Variants in GMDS observed in about 807,000 individuals in gnomAD.
GMDS encodes the protein GDP-mannose 4,6-dehydratase.
GMDS carries 20 observed loss-of-function variants against 49.9 expected under a neutral mutation model. The observed-to-expected ratio is 0.40, with a 90% CI of 0.28 to 0.58. GMDS has a LOEUF of 0.58. Among genes scored for constraint, GMDS ranks in the 20% least tolerant of loss-of-function variants. GMDS has a pLI of 0.42. For missense variants in GMDS, 362 were observed against 481.4 expected (o/e 0.75, Z 2.32); for synonymous variants, 177 against 178.6 (o/e 0.99, Z 0.07).
At chr6:2,056,931 T>C (rs191068922) in intron 4 of GMDS, among the ~76,000 whole-genome samples, 2 of 152,350 alleles carry the variant, frequency 1.3e-5, no homozygotes, top group East Asian at 3.9e-4. Context: ...GTATTACTGG[T>C]ATATTTGAGA....
At chr6:1,955,054 T>G (rs1366476984) in intron 6 of GMDS, among the ~76,000 whole-genome samples, 1 of 151,942 alleles carries the variant, frequency 6.6e-6, no homozygotes, top group Non-Finnish European at 1.5e-5. Context: ...ATTCTCAAAA[T>G]GCGACACAGA....
At chr6:2,040,948 G>A (rs79083663) in intron 4 of GMDS, among the ~76,000 whole-genome samples, 134 of 152,286 alleles carry the variant, frequency 8.8e-4, no homozygotes, top group Middle Eastern at 3.4e-3. Flanking sequence ...GAAGACTGCC[G>A]TGTAACTTAA....
intron 9 of GMDS, among the ~76,000 whole-genome samples, chr6:1,707,452 C>A (rs1242035157): frequency 6.6e-6 from 1 of 152,200 alleles, no homozygotes; most frequent in East Asian, 1.9e-4. Flanking sequence ...TCATAGGACA[C>A]TCTCTCAAAG....
At position 1,652,164 on chromosome 6, in the gene GMDS, G is replaced by C. The variant is rs187391181; in HGVS notation, c.988-27624C>G. Among the ~76,000 whole-genome samples the C allele has an allele frequency of 1.4e-4, 21 of 150,194 alleles. 1 individual carries two copies. In the East Asian group the frequency reaches 4.2e-3, roughly 30 times the overall value. ...AGGCGGGTGGATCATCTGAGGTCAA[G>C]AGTTCGAGACCAGCCTGGCCAACAT... On this transcript the variant is annotated intron_variant, in intron 9 of 10. Transcript: ENST00000380815.
intron 6 of GMDS, among the ~76,000 whole-genome samples, chr6:1,953,721 C>T (rs1285797782): frequency 6.6e-6 from 1 of 152,108 alleles, no homozygotes; most frequent in Non-Finnish European, 1.5e-5. Context: ...AGGCTTGCTT[C>T]CCATGTTCCA....
intron 9 of GMDS, among the ~76,000 whole-genome samples, chr6:1,680,596 A>T (rs1205970835): frequency 2.0e-5 from 3 of 152,158 alleles, no homozygotes; most frequent in Non-Finnish European, 2.9e-5. Context: ...CCCGGCCAGG[A>T]CACGCAAGGT....
At chr6:1,825,875 G>A (rs187557716) in intron 7 of GMDS, among the ~76,000 whole-genome samples, 2 of 152,156 alleles carry the variant, frequency 1.3e-5, no homozygotes, top group Admixed American at 1.3e-4. Flanking sequence ...AATTAGCCAG[G>A]CGTGGTGGCA....
intron 1 of GMDS, among the ~76,000 whole-genome samples, chr6:2,160,046 T>C (rs185774891): frequency 6.5e-4 from 99 of 152,276 alleles, no homozygotes; most frequent in Middle Eastern, 3.4e-3. Flanking sequence ...AAAAAATCAT[T>C]CAATCTTTTA....
At chr6:2,029,054 C>T (rs1207767752) in intron 4 of GMDS, among the ~76,000 whole-genome samples, 1 of 150,054 alleles carries the variant, frequency 6.7e-6, no homozygotes, top group Non-Finnish European at 1.5e-5. Context: ...TTTACCATAC[C>T]TTTTTTAAAA....
intron 9 of GMDS, among the ~76,000 whole-genome samples, chr6:1,714,825 G>T (rs1039936982): frequency 2.0e-5 from 3 of 152,246 alleles, no homozygotes; most frequent in Non-Finnish European, 4.4e-5. Context: ...GATACTATGA[G>T]ATTTTCCCAC....
intron 7 of GMDS, among the ~76,000 whole-genome samples, chr6:1,925,743 G>C (rs887520126): frequency 6.6e-6 from 1 of 152,042 alleles, no homozygotes; most frequent in Admixed American, 6.6e-5. Flanking sequence ...GGGAGGAGAA[G>C]GGCAGGTCCC....
intron 4 of GMDS, among the ~76,000 whole-genome samples, chr6:2,090,812 T>A (rs1037023866): frequency 3.9e-5 from 6 of 152,156 alleles, no homozygotes; most frequent in African/African-American, 2.4e-5. Flanking sequence ...AAGTTTCGAG[T>A]CTCATCACTT....
At chr6:1,903,238 T>C (rs1287143066) in intron 7 of GMDS, among the ~76,000 whole-genome samples, 1 of 152,216 alleles carries the variant, frequency 6.6e-6, no homozygotes, top group East Asian at 1.9e-4. Flanking sequence ...AAATTTAACT[T>C]TAAAGTCATA....
chr6:2,245,553 G>A lies in GMDS; in HGVS notation c.-131C>T. The A allele has an allele frequency of 2.2e-6, 1 of 456,170 alleles. No individual in the cohort carries two copies. Among genetic ancestry groups the A allele is most frequent in the South Asian group, 5.3e-5 (1 of 18,918 alleles). The allele number at this position is 456,170 out of a possible 1,614,324, so 28.3% of individuals were successfully genotyped here. On this transcript the variant is annotated 5_prime_UTR_variant, in exon 1 of 11. Coordinates refer to ENST00000380815, the MANE Select transcript of GMDS (RefSeq NM_001500.4). ...TGCGGGCAGGGAGGGAGAGCGCACCGCGCGACCGGCCGCCACAGTCTGACA... is the reference window on the plus strand; with the variant it reads ...TGCGGGCAGGGAGGGAGAGCGCACCACGCGACCGGCCGCCACAGTCTGACA...
chr6:1,756,422 T>C (rs555934004), intron 7 of GMDS, among the ~76,000 whole-genome samples: 15 of 152,246 alleles, frequency 9.9e-5, no homozygotes, highest in African/African-American at 3.4e-4. Context: ...TACCACCACG[T>C]CCAGCTAATT....
At chr6:1,899,953 A>G (rs1462664593) in intron 7 of GMDS, among the ~76,000 whole-genome samples, 2 of 151,886 alleles carry the variant, frequency 1.3e-5, no homozygotes, top group African/African-American at 4.8e-5. Context: ...CTGCCTACAC[A>G]CTAAAGAGAA....
chr6:2,048,327 A>T lies in GMDS; in HGVS notation c.345+67444T>A, dbSNP rs151033286. Among the ~76,000 whole-genome samples the T allele has an allele frequency of 4.0e-3, 607 of 152,340 alleles. 8 individuals carry two copies. The highest frequency in any genetic ancestry group is 0.014 in the African/African-American group (576 of 41,584). ...AATTTTTTCCATATGGCCAGCATCAATTATTAAAAAGATAAGTCCTTCCCA... is the reference window on the plus strand; with the variant it reads ...AATTTTTTCCATATGGCCAGCATCATTTATTAAAAAGATAAGTCCTTCCCA... On this transcript the variant is annotated intron_variant, in intron 4 of 10. Coordinates refer to ENST00000380815, the MANE Select transcript of GMDS (RefSeq NM_001500.4).
intron 7 of GMDS, among the ~76,000 whole-genome samples, chr6:1,771,462 A>G (rs114647033): frequency 0.017 from 2,646 of 152,280 alleles, 81 homozygotes; most frequent in African/African-American, 0.06. Flanking sequence ...CAAAATGCAC[A>G]AGAAAAGGAG....
intron 9 of GMDS, among the ~76,000 whole-genome samples, chr6:1,653,035 G>T (rs1386012855): frequency 6.6e-6 from 1 of 151,518 alleles, no homozygotes; most frequent in African/African-American, 2.4e-5. Context: ...TGGCCCGCGT[G>T]GCTCCTGTTG....
Sources: allele counts gnomAD v4.1 joint callset (sites outside exome capture counted in the v4.1 genomes callset), GRCh38; gene constraint gnomAD v4.1.1; transcripts MANE v1.5; gene names NCBI Gene and HGNC (gene_info 2026-07-23, HGNC 2026-07-21).